Variants in DNM1 observed in about 807,000 individuals in gnomAD.
DNM1 encodes the protein dynamin-1.
Under a neutral mutation model 104.6 loss-of-function variants are expected in DNM1, and 29 were observed. The ratio of observed to expected loss-of-function variants is 0.28; its 90% CI spans 0.21 to 0.38. The LOEUF (loss-of-function observed/expected upper bound fraction) is 0.38, where lower values mean the gene tolerates loss of function less well. Among genes scored for constraint, DNM1 ranks in the 10% least tolerant of loss-of-function variants. The pLI is 1.00. For synonymous variants in DNM1, 445 were observed against 475.8 expected (o/e 0.94, Z 0.84); for missense variants, 640 against 1,189.4 (o/e 0.54, Z 6.79).
intron 10 of DNM1, among the ~76,000 whole-genome samples, chr9:128,225,492 G>A (rs185488015): frequency 4.6e-5 from 7 of 152,322 alleles, no homozygotes; most frequent in East Asian, 1.9e-4. Flanking sequence ...AGCTGGATGC[G>A]GCAACCCTAG....
chr9:128,226,266 A>ACGGCTAC (rs1419688783), intron 10 of DNM1: 3 of 1,548,680 alleles, frequency 1.9e-6, no homozygotes, highest in Non-Finnish European at 2.6e-6. Flanking sequence ...AGCCGGCCTC[A>ACGGCTAC]CGGCTACCCG....
In DNM1 at chr9:128,250,198, G is replaced by A. The variant is rs1379790356; in HGVS notation, c.2160G>A (p.Glu720=). The A allele has an allele frequency of 1.9e-6, 3 of 1,614,178 alleles. No individual in the cohort carries two copies. Among genetic ancestry groups the A allele is most frequent in the Middle Eastern group, 3.3e-4 (2 of 6,060 alleles). ...DQNTLMEESA[E]QAQRRDEMLR... ...ACACGCTGATGGAGGAGTCGGCGGA[G>A]CAGGCACAGCGGCGCGACGAGATGC... The change falls in exon 20 of 22, where the codon GAG becomes GAA. Residue 720 remains glutamate (E), a synonymous_variant. Coordinates refer to ENST00000372923, the MANE Select transcript of DNM1 (RefSeq NM_004408.4).
rs112417109 is a variant in DNM1 at position 128,243,029 on chromosome 9, T to C, written c.1671+684T>C. Among the ~76,000 whole-genome samples the C allele has an allele frequency of 0.016, 2,441 of 152,198 alleles. 72 individuals carry two copies. Among genetic ancestry groups the C allele is most frequent in the African/African-American group, 0.055 (2,290 of 41,536 alleles). On this transcript the variant is annotated intron_variant, in intron 15 of 21. Coordinates refer to ENST00000372923, the MANE Select transcript of DNM1 (RefSeq NM_004408.4). This position sits in a 1 kb window ranked among gnomAD's most constrained non-coding sequence, Gnocchi z 4.0. ...CACAGGCCCATGACACACACAAGTC[T>C]AGCTGCCAGACACCCGGTTAACCCC...
chr9:128,215,925 C>G (rs1834576276), intron 1 of DNM1, among the ~76,000 whole-genome samples: 2 of 142,740 alleles, frequency 1.4e-5, no homozygotes, highest in African/African-American at 5.0e-5. Context: ...AACAGCTGTT[C>G]TATCTCCACA....
At position 128,224,450 on chromosome 9, in the gene DNM1, C is replaced by CGGG; in HGVS notation, c.1335+62_1335+63insGGG. The stretch of plus-strand genomic sequence containing the variant: ...TGCCCCGCCCTGCACTGCTGCCAGG[C>CGGG]GCTCCTTCCCCATGTCCCCCCCTGC... On this transcript the variant is annotated intron_variant, in intron 10 of 21. Coordinates refer to ENST00000372923, the MANE Select transcript of DNM1 (RefSeq NM_004408.4). This position sits in a 1 kb window ranked among gnomAD's most constrained non-coding sequence, Gnocchi z 4.3. 6.6e-7 allele frequency: 1 copy of CGGG among 1,524,314 alleles called. No homozygotes were observed. The highest frequency in any genetic ancestry group is 8.9e-7 in the Non-Finnish European group (1 of 1,122,620). The allele number at this position is 1,524,314 out of a possible 1,614,324, so 94.4% of individuals were successfully genotyped here. A position where few individuals can be genotyped will look rare whatever the true frequency, so the allele number is the denominator to read the frequency against.
In DNM1 at chr9:128,254,287, CAGGCCAGTGGGTTGGAAG is replaced by C. The variant is rs1428514491; in HGVS notation, c.2535-365_2535-348del. ...GGCTCCCCAAGGCAAGGGGTGGCCC[CAGGCCAGTGGGTTGGAAG>C]ACAGGGTGACCAGAGAAGAGGGAAG... On this transcript the variant is annotated intron_variant, in intron 21 of 21. Transcript: ENST00000372923. The surrounding 1 kb of genome is among the most constrained non-coding windows in gnomAD (Gnocchi z 6.1). 151 of 1,392,384 alleles carry C rather than the reference CAGGCCAGTGGGTTGGAAG, an allele frequency of 1.1e-4. No homozygotes were observed. The highest frequency in any genetic ancestry group is 1.3e-4 in the Non-Finnish European group (145 of 1,083,750). The allele number at this position is 1,392,384 out of a possible 1,614,324, so 86.3% of individuals were successfully genotyped here.
intron 1 of DNM1, among the ~76,000 whole-genome samples, chr9:128,213,693 A>G (rs892412895): frequency 1.2e-4 from 19 of 152,092 alleles, no homozygotes; most frequent in Non-Finnish European, 2.5e-4. Flanking sequence ...ACCCTATACA[A>G]TGAAGCCGAT....
At position 128,222,358 on chromosome 9, in the gene DNM1, C is replaced by T. The variant is rs1375346310; in HGVS notation, c.992+19C>T. 20 of 1,610,296 alleles carry T rather than the reference C, an allele frequency of 1.2e-5. No individual in the cohort carries two copies. The East Asian group carries it at 3.6e-4, about 29-fold the overall frequency. On this transcript the variant is annotated intron_variant, in intron 7 of 21. Coordinates refer to ENST00000372923, the MANE Select transcript of DNM1 (RefSeq NM_004408.4). This position sits in a 1 kb window ranked among gnomAD's most constrained non-coding sequence, Gnocchi z 7.8. ...TGCTGCAGTGAGGCTCCCCCAGCTCCTATCACTGAATCCCCGCCCCCAGCC... is the reference window on the plus strand; with the variant it reads ...TGCTGCAGTGAGGCTCCCCCAGCTCTTATCACTGAATCCCCGCCCCCAGCC...
intron 10 of DNM1, among the ~76,000 whole-genome samples, chr9:128,232,975 G>A (rs1477782244): frequency 1.3e-5 from 2 of 152,216 alleles, no homozygotes; most frequent in Non-Finnish European, 2.9e-5. Flanking sequence ...GGAGGAGGTG[G>A]AGTGGGAGAG....
chr9:128,247,514 G>A lies in DNM1; in HGVS notation c.1893+28G>A. 1 of 1,548,394 alleles carries A rather than the reference G, an allele frequency of 6.5e-7. No homozygotes were observed. Among genetic ancestry groups the A allele is most frequent in the South Asian group, 1.1e-5 (1 of 88,416 alleles). ...GAGTGGCAGGGCAAGGAGAGGAAGG[G>A]CAAGCATGATCCTAGGGCCCCTGGG... On this transcript the variant is annotated intron_variant, in intron 17 of 21. Transcript: ENST00000372923. The surrounding 1 kb of genome is among the most constrained non-coding windows in gnomAD (Gnocchi z 5.1).
rs755759262 is a variant in DNM1 at position 128,244,735 on chromosome 9, C to T, written c.1672-1659C>T. The T allele has an allele frequency of 3.6e-5, 19 of 533,680 alleles. No homozygotes were observed. The East Asian group carries it at 9.3e-4, about 26-fold the overall frequency. 33.1% of individuals were successfully genotyped at this position (533,680 alleles called of 1,614,324 possible). A position where few individuals can be genotyped will look rare whatever the true frequency, so the allele number is the denominator to read the frequency against. On this transcript the variant is annotated intron_variant, in intron 15 of 21. Coordinates refer to ENST00000372923, the MANE Select transcript of DNM1 (RefSeq NM_004408.4). ...TGGCGGCGGTGCCGAGGGTCTAACC[C>T]AGCCCAGCCTAACCAATGTGCAGAC...
intron 1 of DNM1, among the ~76,000 whole-genome samples, chr9:128,212,311 A>C (rs941950593): frequency 6.6e-6 from 1 of 152,202 alleles, no homozygotes; most frequent in East Asian, 1.9e-4. Context: ...TGCTGGTGAT[A>C]AGAAATAAGG....
chr9:128,233,119 G>A (rs938010691), intron 10 of DNM1, among the ~76,000 whole-genome samples: 3 of 152,250 alleles, frequency 2.0e-5, no homozygotes, highest in Admixed American at 6.5e-5. Flanking sequence ...CTGAGGGCAC[G>A]ATTCGCAGGC....
At chr9:128,207,286 G>A (rs576259011) in intron 1 of DNM1, among the ~76,000 whole-genome samples, 8 of 152,194 alleles carry the variant, frequency 5.3e-5, no homozygotes, top group Non-Finnish European at 1.2e-4. Flanking sequence ...GGGGGAAGAC[G>A]GGCTGGAAGT....
chr9:128,250,195 G>A lies in DNM1; in HGVS notation c.2157G>A (p.Ala719=). The change falls in exon 20 of 22, where the codon GCG becomes GCA. Residue 719 remains alanine, a synonymous_variant. Coordinates refer to ENST00000372923, the MANE Select transcript of DNM1 (RefSeq NM_004408.4). ...GDQNTLMEES[A]EQAQRRDEML... ...AGAACACGCTGATGGAGGAGTCGGC[G>A]GAGCAGGCACAGCGGCGCGACGAGA... 6.2e-7 allele frequency: 1 copy of A among 1,614,172 alleles called. No individual in the cohort carries two copies. Among genetic ancestry groups the A allele is most frequent in the South Asian group, 1.1e-5 (1 of 91,084 alleles).
chr9:128,231,964 G>A (rs971937168), intron 10 of DNM1: 3 of 456,254 alleles, frequency 6.6e-6, no homozygotes, highest in East Asian at 6.9e-5. Flanking sequence ...AGGGCTGAGA[G>A]GGGAACGTTC....
chr9:128,226,235 C>A, intron 10 of DNM1: 3 of 1,599,818 alleles, frequency 1.9e-6, no homozygotes, highest in Non-Finnish European at 1.7e-6. Context: ...CACAGCCTCC[C>A]GTGGGCAGAA....
intron 16 of DNM1, among the ~76,000 whole-genome samples, chr9:128,246,760 C>CTCCCTCCCTCCCTTCT (rs1836851151): frequency 1.3e-5 from 2 of 149,508 alleles, no homozygotes; most frequent in Non-Finnish European, 3.0e-5. Flanking sequence ...CCCTCCTTTC[C>CTCCCTCCCTCCCTTCT]TCCCTCCCTC....
In DNM1 at chr9:128,218,952, C is replaced by T. The variant is rs1834778136; in HGVS notation, c.386-97C>T. On this transcript the variant is annotated intron_variant, in intron 3 of 21. Coordinates refer to ENST00000372923, the MANE Select transcript of DNM1 (RefSeq NM_004408.4). This position sits in a 1 kb window ranked among gnomAD's most constrained non-coding sequence, Gnocchi z 4.8. ...TTCCTAGTCCCACCCACCTGCCACCCTGCTCCCAAGCAGCTTCTCTAACCC... is the reference window on the plus strand; with the variant it reads ...TTCCTAGTCCCACCCACCTGCCACCTTGCTCCCAAGCAGCTTCTCTAACCC... The T allele has an allele frequency of 4.2e-6, 6 of 1,436,364 alleles. No individual in the cohort carries two copies. The highest frequency in any genetic ancestry group is 5.7e-6 in the Non-Finnish European group (6 of 1,050,114). 89.0% of individuals were successfully genotyped at this position (1,436,364 alleles called of 1,614,324 possible). A position where few individuals can be genotyped will look rare whatever the true frequency, so the allele number is the denominator to read the frequency against.
Sources: gnomAD v4.1 joint callset for allele counts (sites outside exome capture counted in the v4.1 genomes callset) on GRCh38, gnomAD v4.1.1 for gene constraint, Gnocchi (gnomAD v3.1) non-coding constraint, MANE v1.5 for transcripts, NCBI Gene and HGNC (gene_info 2026-07-23, HGNC 2026-07-21) for gene names.